Variants in DNAH10 observed in about 807,000 individuals in gnomAD.
DNAH10 encodes axonemal beta dynein heavy chain 10.
Under a neutral mutation model 506.6 loss-of-function variants are expected in DNAH10, and 348 were observed. The observed-to-expected ratio is 0.69, with a 90% CI of 0.63 to 0.75. The LOEUF (loss-of-function observed/expected upper bound fraction) is 0.75. Among genes scored for constraint, DNAH10 ranks in the 30% least tolerant of loss-of-function variants. The pLI is 0.00. For missense variants in DNAH10, 5,179 were observed against 5,787.1 expected, an observed-to-expected ratio of 0.89 and a Z score of 3.41; for synonymous variants, 2,059 against 2,198.6, an observed-to-expected ratio of 0.94 and a Z score of 1.78.
chr12:123,819,747 C>T (rs1224322962), intron 23 of DNAH10, among the ~76,000 whole-genome samples: 1 of 149,368 alleles, frequency 6.7e-6, no homozygotes, highest in African/African-American at 2.5e-5. Context: ...CTCTGTCACC[C>T]AGACTGGAGT....
chr12:123,853,106 C>A lies in DNAH10; in HGVS notation c.6292-100C>A, dbSNP rs1275433791. ...TATTTGTAGAGCAGCTGCACTGGAA[C>A]ACCTGCCCCCGTTTTCTTGCATTTG... On this transcript the variant is annotated intron_variant, in intron 35 of 78. Coordinates refer to ENST00000673944, the MANE Select transcript of DNAH10 (RefSeq NM_001372106.1). The surrounding 1 kb of genome is among the most constrained non-coding windows in gnomAD (Gnocchi z 4.7). 3.1e-6 allele frequency: 4 copies of A among 1,277,732 alleles called. No homozygotes were observed. The highest frequency in any genetic ancestry group is 4.1e-6 in the Non-Finnish European group (4 of 969,034). The allele number at this position is 1,277,732 out of a possible 1,614,324, so 79.1% of individuals were successfully genotyped here.
rs376989344 is a variant in DNAH10 at position 123,841,385 on chromosome 12, G to T, written c.5200G>T (p.Ala1734Ser). Residue 1734 changes from alanine to serine, a missense_variant, in exon 30 of 79, where the codon GCG becomes TCG. Physicochemically the swap from Ala to Ser is moderately conservative, Grantham distance 99 (BLOSUM62 1). Transcript: ENST00000673944. ...CGATAGTGGAGAAAAACTGGTGTCC[G>T]CGATGATTTCAGCAGAAGGAGAAGT... ...DGDSGEKLVS[A>S]MISAEGEVME... 6.2e-7 allele frequency: 1 copy of T among 1,613,974 alleles called. No individual in the cohort carries two copies. The highest frequency in any genetic ancestry group is 8.5e-7 in the Non-Finnish European group (1 of 1,179,890).
At chr12:123,835,555 A>T in intron 28 of DNAH10, 27 bp downstream of exon 28, 2 of 1,599,034 alleles carry the variant, frequency 1.3e-6, no homozygotes, top group South Asian at 2.3e-5. Flanking sequence ...TATTTTAGTA[A>T]TGAAAGAAGG....
intron 30 of DNAH10, among the ~76,000 whole-genome samples, chr12:123,842,155 G>C (rs781054934): frequency 6.6e-6 from 1 of 152,234 alleles, no homozygotes; most frequent in Non-Finnish European, 1.5e-5. Flanking sequence ...GAACTCTGGG[G>C]GTGGGGCCTG....
chr12:123,819,094 A>G, intron 22 of DNAH10, 28 bp downstream of exon 22: 1 of 1,599,750 alleles, frequency 6.3e-7, no homozygotes, highest in Non-Finnish European at 8.5e-7. Flanking sequence ...CTTCCTGAGT[A>G]AAGACATTGA....
intron 3 of DNAH10, among the ~76,000 whole-genome samples, chr12:123,772,052 G>A (rs1449379955): frequency 6.6e-6 from 1 of 152,190 alleles, no homozygotes; most frequent in Admixed American, 6.5e-5. Context: ...GTAGCTATGA[G>A]TGACAACATG....
chr12:123,852,942 A>G (rs1951231986), intron 35 of DNAH10, among the ~76,000 whole-genome samples: 1 of 151,382 alleles, frequency 6.6e-6, no homozygotes, highest in African/African-American at 2.4e-5. Context: ...TGTGATTCCT[A>G]CAGATGGTTC....
At position 123,814,055 on chromosome 12, in the gene DNAH10, T is replaced by C. The variant is rs1028039470; in HGVS notation, c.3780+143T>C. The C allele has an allele frequency of 9.8e-6, 7 of 714,210 alleles. No individual in the cohort carries two copies. In the African/African-American group the frequency reaches 1.1e-4, roughly 11 times the overall value. The allele number at this position is 714,210 out of a possible 1,614,324, so 44.2% of individuals were successfully genotyped here. On this transcript the variant is annotated intron_variant, in intron 21 of 78. Coordinates refer to ENST00000673944, the MANE Select transcript of DNAH10 (RefSeq NM_001372106.1). ...GTAATACATTGTAAATGTAAAGCAA[T>C]GCCACTGTTATTTAGAATAATGAAA...
Position 123,926,997 on chromosome 12 carries a change from C to T in DNAH10, c.12105+177C>T. The T allele has an allele frequency of 1.4e-6, 1 of 692,848 alleles. No homozygotes were observed. The highest frequency in any genetic ancestry group is 2.4e-6 in the Non-Finnish European group (1 of 422,166). 42.9% of individuals were successfully genotyped at this position (692,848 alleles called of 1,614,324 possible). On this transcript the variant is annotated intron_variant, in intron 69 of 78. Transcript: ENST00000673944. The surrounding 1 kb of genome is among the most constrained non-coding windows in gnomAD (Gnocchi z 4.1). ...GATGACAATAATAGTTATGATTTCA[C>T]AACCTCATGTTGTGATCATGGTGCT...
chr12:123,813,682 A>G, intron 20 of DNAH10, 42 bp downstream of exon 20: 1 of 1,612,996 alleles, frequency 6.2e-7, no homozygotes, highest in Non-Finnish European at 8.5e-7. Flanking sequence ...TTTTCGTGTA[A>G]GTTGGGTCTT....
chr12:123,899,801 T>A (rs1953433910), intron 56 of DNAH10, among the ~76,000 whole-genome samples: 1 of 152,252 alleles, frequency 6.6e-6, no homozygotes, highest in Admixed American at 6.5e-5. Context: ...TGTTTCAGCA[T>A]CTTCCATGTC....
intron 24 of DNAH10, among the ~76,000 whole-genome samples, chr12:123,823,285 CAGGAA>C (rs1959612459): frequency 1.3e-5 from 2 of 152,198 alleles, no homozygotes; most frequent in Admixed American, 6.5e-5. Context: ...ATGGATGCAC[CAGGAA>C]ATGGGGTTGG....
chr12:123,814,356 C>T (rs978640221), intron 21 of DNAH10: 4 of 152,768 alleles, frequency 2.6e-5, no homozygotes, highest in African/African-American at 7.3e-5. Context: ...CTGGGTTCCC[C>T]CTGAAGTTGT....
chr12:123,770,380 G>C (rs565383692), intron 2 of DNAH10, among the ~76,000 whole-genome samples: 1 of 151,716 alleles, frequency 6.6e-6, no homozygotes, highest in Non-Finnish European at 1.5e-5. Flanking sequence ...CATCACTCCT[G>C]GATAACATTT....
chr12:123,889,582 G>T (rs1045490634), intron 52 of DNAH10, among the ~76,000 whole-genome samples: 12 of 152,258 alleles, frequency 7.9e-5, no homozygotes, highest in African/African-American at 2.9e-4. Context: ...TAAGTGCCGT[G>T]AGTGCAAAGG....
chr12:123,873,835 G>A lies in DNAH10; in HGVS notation c.7938+125G>A. On this transcript the variant is annotated intron_variant, in intron 46 of 78. Transcript: ENST00000673944. ...TTTACCTCTGTGCAATGTCTGCAGG[G>A]TACAGGCTGCGGGGAGCCAGCCTAA... is the stretch of plus-strand genomic sequence containing the variant. The A allele has an allele frequency of 5.3e-6, 7 of 1,312,586 alleles. No homozygotes were observed. The South Asian group carries it at 1.2e-4, about 23-fold the overall frequency. The allele number at this position is 1,312,586 out of a possible 1,614,324, so 81.3% of individuals were successfully genotyped here. A position where few individuals can be genotyped will look rare whatever the true frequency, so the allele number is the denominator to read the frequency against.
At chr12:123,908,476 C>G (rs1376707383) in intron 57 of DNAH10, 1 of 456,286 alleles carries the variant, frequency 2.2e-6, no homozygotes, top group Admixed American at 2.3e-5. Context: ...GTGCTGTTCT[C>G]TTCCACTTCT....
intron 40 of DNAH10, 127 bp from the exon 41 acceptor site, chr12:123,865,824 C>A: frequency 1.1e-6 from 1 of 880,764 alleles, no homozygotes. Context: ...CTCATGGAAG[C>A]TGTGTTGATT....
Position 123,826,776 on chromosome 12 carries a change from CAGAA to C in DNAH10, c.4272_4275del (p.Arg1424SerfsTer11). 1 of 1,613,956 alleles carries C rather than the reference CAGAA, an allele frequency of 6.2e-7. No individual in the cohort carries two copies. Among genetic ancestry groups the C allele is most frequent in the Non-Finnish European group, 8.5e-7 (1 of 1,179,870 alleles). On this transcript the variant is annotated frameshift_variant, in exon 25 of 79. Transcript: ENST00000673944. LOFTEE classifies it high-confidence loss of function. ...GAATTGAAGGTTTTCTCAGGGCTCT[CAGAA>C]AGCTACCTCGGCCAGTCCGTGGCTT...
Sources: gnomAD v4.1 joint callset for allele counts (sites outside exome capture counted in the v4.1 genomes callset) on GRCh38, gnomAD v4.1.1 for gene constraint, Gnocchi (gnomAD v3.1) non-coding constraint, MANE v1.5 for transcripts, NCBI Gene and HGNC (gene_info 2026-07-23, HGNC 2026-07-21) for gene names.